NXPE2: variants seen among roughly 807,000 people sequenced by gnomAD.
NXPE2 encodes NXPE family member 2.
In NXPE2, 34 loss-of-function variants were observed where a neutral mutation model predicts 34.4. That is an observed-to-expected ratio of 0.99 (90% confidence interval 0.75 to 1.31). The LOEUF (loss-of-function observed/expected upper bound fraction) is 1.31, where lower values mean the gene tolerates loss of function less well. Among genes scored for constraint, NXPE2 ranks in the 40% most tolerant of loss-of-function variants. The probability of loss-of-function intolerance (pLI) is 0.00; values close to 1 mark genes in which losing one functional copy is unlikely to be tolerated. For missense variants in NXPE2, 649 were observed against 672.5 expected, an observed-to-expected ratio of 0.97 and a Z score of 0.39; for synonymous variants, 235 against 231.3, an observed-to-expected ratio of 1.02 and a Z score of -0.15.
chr11:114,666,524 CTCT>C, the NXPE2 span, among the ~76,000 whole-genome samples: 4 of 152,070 alleles, frequency 2.6e-5, no homozygotes, highest in African/African-American at 9.7e-5. Context: ...AAAGGTAATT[CTCT>C]TTTTTTCAGA....
At chr11:114,537,873 T>C in the NXPE2 span, among the ~76,000 whole-genome samples, 2 of 151,910 alleles carry the variant, frequency 1.3e-5, no homozygotes, top group Non-Finnish European at 2.9e-5. Flanking sequence ...AATTTATAGA[T>C]TCAATGCCAT....
the NXPE2 span, among the ~76,000 whole-genome samples, chr11:114,630,985 C>T: frequency 6.6e-6 from 1 of 150,874 alleles, no homozygotes; most frequent in Non-Finnish European, 1.5e-5. Flanking sequence ...TACCATCTCA[C>T]ACCAGTTAGA....
chr11:114,609,122 G>A, the NXPE2 span, among the ~76,000 whole-genome samples: 2,402 of 151,132 alleles, frequency 0.016, 74 homozygotes, highest in African/African-American at 0.053. Flanking sequence ...ACTGTTACCC[G>A]GTGGATAATA....
the NXPE2 span, among the ~76,000 whole-genome samples, chr11:114,492,501 A>G: frequency 1.5e-4 from 23 of 151,274 alleles, no homozygotes; most frequent in African/African-American, 4.6e-4. Context: ...TGTTAGGTCA[A>G]CTTGATCTGT....
chr11:114,563,811 T>TA, the NXPE2 span, among the ~76,000 whole-genome samples: 13 of 152,162 alleles, frequency 8.5e-5, no homozygotes, highest in Non-Finnish European at 1.3e-4. Context: ...ATTTAAAAAA[T>TA]AAAAAATAAT....
At chr11:114,578,472 T>C in the NXPE2 span, among the ~76,000 whole-genome samples, 3 of 152,194 alleles carry the variant, frequency 2.0e-5, no homozygotes, top group African/African-American at 7.2e-5. Flanking sequence ...ATTTTGTAGA[T>C]GAGGTAATTG....
chr11:114,473,615 A>G, the NXPE2 span, among the ~76,000 whole-genome samples: 3 of 152,220 alleles, frequency 2.0e-5, no homozygotes, highest in Non-Finnish European at 4.4e-5. Context: ...TTACAAAGCT[A>G]TGTTTTGTAT....
chr11:114,470,793 C>T, the NXPE2 span, among the ~76,000 whole-genome samples: 2 of 152,050 alleles, frequency 1.3e-5, no homozygotes, highest in Non-Finnish European at 2.9e-5. Context: ...CTCACTGTTT[C>T]CTCTTGAGAC....
chr11:114,497,846 A>G, the NXPE2 span, among the ~76,000 whole-genome samples: 1 of 152,190 alleles, frequency 6.6e-6, no homozygotes, highest in African/African-American at 2.4e-5. Flanking sequence ...CATTGAAATC[A>G]TTGAGTTTAC....
At chr11:114,631,022 C>G in the NXPE2 span, among the ~76,000 whole-genome samples, 2 of 151,398 alleles carry the variant, frequency 1.3e-5, no homozygotes, top group East Asian at 3.9e-4. Flanking sequence ...AGTCAGGAAA[C>G]AACAGGTGCT....
the NXPE2 span, among the ~76,000 whole-genome samples, chr11:114,628,069 T>C: frequency 6.7e-6 from 1 of 149,604 alleles, no homozygotes; most frequent in Non-Finnish European, 1.5e-5. Context: ...ACGTTAATAA[T>C]GGGAGACTTT....
the NXPE2 span, among the ~76,000 whole-genome samples, chr11:114,762,444 G>A: frequency 6.6e-6 from 1 of 152,198 alleles, no homozygotes; most frequent in Admixed American, 6.5e-5. Flanking sequence ...AAAATTAAAA[G>A]AGCAATTTTA....
At chr11:114,700,690 A>C (rs1517692) in intron 3 of NXPE2, among the ~76,000 whole-genome samples, 4,634 of 152,278 alleles carry the variant, frequency 0.03, 234 homozygotes, top group African/African-American at 0.1. Context: ...AATAAGTAAA[A>C]TAATACAATC....
chr11:114,485,550 A>C, the NXPE2 span, among the ~76,000 whole-genome samples: 1 of 151,768 alleles, frequency 6.6e-6, no homozygotes, highest in African/African-American at 2.4e-5. Flanking sequence ...TTAAATGTAC[A>C]ATACATTATT....
chr11:114,695,830 A>AACACACACACAC (rs67132329), intron 2 of NXPE2, among the ~76,000 whole-genome samples: 9,578 of 132,458 alleles, frequency 0.072, 410 homozygotes, highest in Middle Eastern at 0.094. Flanking sequence ...GTCTCTACTA[A>AACACACACACAC]ACACACACAC....
At chr11:114,520,449 C>G in the NXPE2 span, among the ~76,000 whole-genome samples, 19 of 152,186 alleles carry the variant, frequency 1.2e-4, 1 homozygote, top group Admixed American at 2.6e-4. Context: ...AGCAGCATCT[C>G]CTTTTGTAAG....
At chr11:114,703,663 T>C (rs1951409913) in intron 3 of NXPE2, among the ~76,000 whole-genome samples, 1 of 18,890 alleles carries the variant, frequency 5.3e-5, no homozygotes, top group Non-Finnish European at 1.1e-4. Flanking sequence ...CATAGATAGA[T>C]AGATAGATAG....
At chr11:114,724,279 G>C in the NXPE2 span, among the ~76,000 whole-genome samples, 46,751 of 151,902 alleles carry the variant, frequency 0.31, 7,785 homozygotes, top group Middle Eastern at 0.41. Context: ...TCACAGTGAC[G>C]TGTTCCAGTG....
At chr11:114,717,407 C>T in the NXPE2 span, among the ~76,000 whole-genome samples, 1 of 152,154 alleles carries the variant, frequency 6.6e-6, no homozygotes, top group Admixed American at 6.5e-5. Context: ...GGAATAGATG[C>T]ACACAGTCAG....
Sources: gnomAD v4.1 joint callset for allele counts (sites outside exome capture counted in the v4.1 genomes callset) on GRCh38, gnomAD v4.1.1 for gene constraint, MANE v1.5 for transcripts, NCBI Gene and HGNC (gene_info 2026-07-23, HGNC 2026-07-21) for gene names.